The following ANTXRL variants were observed in gnomAD, a reference collection of about 807,000 sequenced individuals.
ANTXRL encodes the protein ANTXR like, also known as anthrax toxin receptor-like.
Under a neutral mutation model 75.4 loss-of-function variants are expected in ANTXRL, and 63 were observed. That is an observed-to-expected ratio of 0.84 (90% CI 0.68 to 1.03). The LOEUF is 1.03. Among genes scored for constraint, ANTXRL ranks in the 50% least tolerant of loss-of-function variants. ANTXRL has a pLI of 0.00. For missense variants in ANTXRL, 797 were observed against 789.4 expected (o/e 1.01, Z -0.12); for synonymous variants, 335 against 291.3 (o/e 1.15, Z -1.53).
At chr10:46,290,752 A>G (rs1554956237) in intron 1 of ANTXRL, among the ~76,000 whole-genome samples, 1 of 151,632 alleles carries the variant, frequency 6.6e-6, no homozygotes, top group African/African-American at 2.4e-5. Flanking sequence ...GTCTATTCAA[A>G]TCCTTTGCCC....
intron 1 of ANTXRL, among the ~76,000 whole-genome samples, chr10:46,290,104 C>T (rs1407847858): frequency 7.6e-5 from 11 of 144,412 alleles, no homozygotes; most frequent in Non-Finnish European, 1.2e-4. Context: ...TTCAGCGGCG[C>T]GATCTCGGCT....
intron 16 of ANTXRL, among the ~76,000 whole-genome samples, chr10:46,314,766 CCT>C (rs1334109467): frequency 1.3e-5 from 2 of 151,262 alleles, no homozygotes; most frequent in African/African-American, 4.8e-5. Context: ...AGAGACAATC[CCT>C]GTTTTACTAA....
chr10:46,321,069 G>A (rs1387287467), intron 16 of ANTXRL, among the ~76,000 whole-genome samples: 1 of 152,158 alleles, frequency 6.6e-6, no homozygotes, highest in Non-Finnish European at 1.5e-5. Flanking sequence ...AGTGTATCAA[G>A]GACAACTTTC....
intron 13 of ANTXRL, among the ~76,000 whole-genome samples, chr10:46,309,967 G>A (rs1554962998): frequency 6.6e-6 from 1 of 152,118 alleles, no homozygotes; most frequent in Non-Finnish European, 1.5e-5. Flanking sequence ...TGCAGACAGA[G>A]AACAGAGCAG....
At chr10:46,315,517 C>T (rs1328098248) in intron 16 of ANTXRL, among the ~76,000 whole-genome samples, 1 of 152,222 alleles carries the variant, frequency 6.6e-6, no homozygotes, top group Non-Finnish European at 1.5e-5. Flanking sequence ...AGGATCTCCC[C>T]TCAGACAGGG....
chr10:46,297,214 G>A (rs577523083), intron 5 of ANTXRL, 38 bp from the exon 6 acceptor site: 2 of 1,511,134 alleles, frequency 1.3e-6, no homozygotes, highest in Non-Finnish European at 8.9e-7. Context: ...CACTCCTGGT[G>A]CCTTTGCTGA....
chr10:46,307,123 T>C (rs1289564076), intron 11 of ANTXRL, among the ~76,000 whole-genome samples: 2 of 152,126 alleles, frequency 1.3e-5, no homozygotes, highest in Non-Finnish European at 2.9e-5. Flanking sequence ...GTACCTTTGC[T>C]CCAGGTTGCC....
intron 10 of ANTXRL, 93 bp downstream of exon 10, chr10:46,302,913 C>A (rs1417640790): frequency 1.9e-6 from 2 of 1,034,942 alleles, no homozygotes; most frequent in Admixed American, 2.0e-5. Flanking sequence ...CCTTGCCAAC[C>A]ATTCCCTGTG....
intron 16 of ANTXRL, among the ~76,000 whole-genome samples, chr10:46,314,793 C>G (rs564490356): frequency 1.3e-5 from 2 of 152,180 alleles, no homozygotes; most frequent in South Asian, 4.1e-4. Flanking sequence ...AAAATAGAGG[C>G]CCAGAGTGGC....
rs1295326596 is a variant in ANTXRL, at chr10:46,312,383, C to A, written c.1329+718C>A. ...CCAGGGCCCATCTTGCTGAGGGGAA[C>A]CCTGCCAGACAGCAGCAGGGGACCC... On this transcript the variant is annotated intron_variant, in intron 15 of 16. Transcript: ENST00000620264. 1.4e-5 allele frequency among the ~76,000 whole-genome samples: 2 copies of A among 147,070 alleles called. 1 individual carries two copies. Among genetic ancestry groups the A allele is most frequent in the Non-Finnish European group, 3.0e-5 (2 of 65,742 alleles).
In ANTXRL at chr10:46,297,555, A is replaced by T. The variant is rs528766604; in HGVS notation, c.654+81A>T. The T allele has an allele frequency of 2.8e-5, 40 of 1,405,716 alleles. No individual in the cohort carries two copies. In the Admixed American group the frequency reaches 7.2e-4, roughly 25 times the overall value. 87.1% of individuals were successfully genotyped at this position (1,405,716 alleles called of 1,614,324 possible). ...CCAACCGTCCCGGGCCACCCCAAGG[A>T]CGGTTGTCTAAGCTGCCCCAAGTGA... On this transcript the variant is annotated intron_variant, in intron 7 of 16. Transcript: ENST00000620264.
rs1284214679 is a variant in ANTXRL, at chr10:46,311,536, A to C, written c.1200A>C (p.Ser400=). 32 of 1,531,458 alleles carry C rather than the reference A, an allele frequency of 2.1e-5. No individual in the cohort carries two copies. Among genetic ancestry groups the C allele is most frequent in the Non-Finnish European group, 2.7e-5 (31 of 1,144,600 alleles). 94.9% of individuals were successfully genotyped at this position (1,531,458 alleles called of 1,614,324 possible). A position where few individuals can be genotyped will look rare whatever the true frequency, so the allele number is the denominator to read the frequency against. The part of the protein sequence containing the change: ...EKEPEQEKPP[S]PPPPPPPPPP... ...AGCCAGAGCAGGAAAAACCACCATC[A>C]CCACCACCACCGCCTCCGCCTCCAC... The change falls in exon 15 of 17, where the codon TCA becomes TCC. Residue 400 remains serine, a synonymous_variant. Transcript: ENST00000620264.
At chr10:46,321,490 G>A (rs898950114) in intron 16 of ANTXRL, among the ~76,000 whole-genome samples, 11 of 152,108 alleles carry the variant, frequency 7.2e-5, no homozygotes, top group Admixed American at 6.5e-4. Context: ...GCAGACCCAA[G>A]GTCCAAGGCC....
At chr10:46,310,418 C>T in intron 13 of ANTXRL, 43 bp from the exon 14 acceptor site, 1 of 1,531,466 alleles carries the variant, frequency 6.5e-7, no homozygotes, top group Non-Finnish European at 8.8e-7. Context: ...CAGAGCCCGC[C>T]CACCCCCATC....
chr10:46,289,794 C>T (rs1391480372), intron 1 of ANTXRL, among the ~76,000 whole-genome samples: 2 of 152,110 alleles, frequency 1.3e-5, no homozygotes, highest in Non-Finnish European at 2.9e-5. Context: ...CCCATTCCTC[C>T]CTTCCCCAAG....
intron 14 of ANTXRL, 99 bp from the exon 15 acceptor site, chr10:46,311,411 T>C: frequency 7.1e-7 from 1 of 1,404,308 alleles, no homozygotes; most frequent in Non-Finnish European, 9.3e-7. Flanking sequence ...GTGGTGTGGG[T>C]TTCTTTCTGG....
At chr10:46,296,355 G>A in intron 5 of ANTXRL, 103 bp downstream of exon 5, 1 of 1,303,048 alleles carries the variant, frequency 7.7e-7, no homozygotes. Context: ...CACCTGCCCT[G>A]CCTCTTGGAG....
At chr10:46,308,138 T>C (rs1330154286) in intron 12 of ANTXRL, among the ~76,000 whole-genome samples, 2 of 152,118 alleles carry the variant, frequency 1.3e-5, no homozygotes, top group Non-Finnish European at 2.9e-5. Flanking sequence ...TCCACTGCCT[T>C]GTACCCAGTC....
rs781854137 is a variant in ANTXRL at position 46,296,148 on chromosome 10, C to T, written c.474+48C>T. The stretch of plus-strand genomic sequence containing the variant: ...ACCCTAACCCTAACCCTAACCCTAA[C>T]CTACAAAATCTTAGAGCATCAGTGG... On this transcript the variant is annotated intron_variant, in intron 4 of 16. Coordinates refer to ENST00000620264, the MANE Select transcript of ANTXRL (RefSeq NM_001278688.3). The T allele has an allele frequency of 6.1e-5, 94 of 1,534,524 alleles. 1 individual carries two copies. In the South Asian group the frequency reaches 6.5e-4, roughly 11 times the overall value.
Sources: allele counts gnomAD v4.1 joint callset (sites outside exome capture counted in the v4.1 genomes callset), GRCh38; gene constraint gnomAD v4.1.1; transcripts MANE v1.5; gene names NCBI Gene and HGNC (gene_info 2026-07-23, HGNC 2026-07-21).